Variants in PRKCB observed in about 807,000 individuals in gnomAD.
PRKCB encodes protein kinase C beta type.
PRKCB carries 13 observed loss-of-function variants against 81.5 expected under a neutral mutation model. The ratio of observed to expected loss-of-function variants is 0.16; its 90% CI spans 0.10 to 0.25. The LOEUF (loss-of-function observed/expected upper bound fraction) is 0.25. Among genes scored for constraint, PRKCB ranks in the 10% least tolerant of loss-of-function variants. The pLI, the probability that PRKCB is intolerant of heterozygous loss-of-function variation, is 1.00. For synonymous variants in PRKCB, 335 were observed against 321.4 expected (o/e 1.04, Z -0.45); for missense variants, 509 against 875.7 (o/e 0.58, Z 5.29).
At chr16:24,103,698 T>C (rs754620012) in intron 7 of PRKCB, among the ~76,000 whole-genome samples, 1 of 152,252 alleles carries the variant, frequency 6.6e-6, no homozygotes, top group Non-Finnish European at 1.5e-5. Flanking sequence ...TTTTCAATCC[T>C]TGTCTTCCCC....
intron 2 of PRKCB, among the ~76,000 whole-genome samples, chr16:23,938,848 C>T (rs1964099459): frequency 1.3e-5 from 2 of 152,140 alleles, no homozygotes; most frequent in Admixed American, 1.3e-4. Flanking sequence ...CTGTATGTTC[C>T]TGTTGGTCCT....
intron 3 of PRKCB, among the ~76,000 whole-genome samples, chr16:24,001,014 A>C (rs1215489737): frequency 1.3e-5 from 2 of 151,514 alleles, no homozygotes; most frequent in African/African-American, 4.9e-5. Flanking sequence ...GTAACTATTC[A>C]ATAGGAGACT....
chr16:23,878,575 T>C (rs8063823), intron 2 of PRKCB, among the ~76,000 whole-genome samples: 147,183 of 152,270 alleles, frequency 0.97, 71,166 homozygotes, highest in East Asian at 1. Context: ...AGAGCTGAAG[T>C]CTGAAGGTAG....
intron 4 of PRKCB, among the ~76,000 whole-genome samples, chr16:24,034,738 C>T (rs1965592081): frequency 6.6e-6 from 1 of 152,176 alleles, no homozygotes; most frequent in Admixed American, 6.5e-5. Context: ...CAAGATAATG[C>T]CTCTTCCAGG....
At chr16:24,057,842 T>C (rs942147215) in intron 5 of PRKCB, among the ~76,000 whole-genome samples, 4 of 152,104 alleles carry the variant, frequency 2.6e-5, no homozygotes, top group Non-Finnish European at 4.4e-5. Flanking sequence ...GAATAGAAAC[T>C]TTGACGGTCT....
chr16:23,858,869 A>C (rs1962617114), intron 2 of PRKCB, among the ~76,000 whole-genome samples: 1 of 152,052 alleles, frequency 6.6e-6, no homozygotes, highest in South Asian at 2.1e-4. Context: ...ACAGCACCCT[A>C]GGAGGTTGAT....
chr16:23,876,180 A>G (rs1963011534), intron 2 of PRKCB, among the ~76,000 whole-genome samples: 1 of 152,252 alleles, frequency 6.6e-6, no homozygotes, highest in African/African-American at 2.4e-5. Flanking sequence ...AATGGTGACC[A>G]AGACAGATTC....
intron 2 of PRKCB, among the ~76,000 whole-genome samples, chr16:23,881,572 A>G (rs1323801332): frequency 6.6e-6 from 1 of 152,138 alleles, no homozygotes; most frequent in Non-Finnish European, 1.5e-5. Context: ...TTTTTAAAAA[A>G]ATATTTTATT....
At position 24,017,942 on chromosome 16, in the gene PRKCB, A is replaced by G. The variant is rs1453127663; in HGVS notation, c.289-14194A>G. 3.7e-5 allele frequency among the ~76,000 whole-genome samples: 5 copies of G among 136,842 alleles called. No homozygotes were observed. The East Asian group carries it at 1.0e-3, about 29-fold the overall frequency. The allele number at this position is 136,842 out of a possible 152,430, so 89.8% of individuals were successfully genotyped here. ...TAGACAGAGTCTCGCTCTGTGGCCC[A>G]GGCTGGAGTGCAGCGGTGCAATCTC... On this transcript the variant is annotated intron_variant, in intron 3 of 16. Transcript: ENST00000643927.
chr16:23,980,224 C>T (rs1964677144), intron 2 of PRKCB, among the ~76,000 whole-genome samples: 1 of 152,230 alleles, frequency 6.6e-6, no homozygotes, highest in Non-Finnish European at 1.5e-5. Flanking sequence ...GTGAGACCAG[C>T]CATTGGGCAG....
intron 7 of PRKCB, among the ~76,000 whole-genome samples, chr16:24,111,884 C>T (rs998679823): frequency 6.6e-6 from 1 of 152,244 alleles, no homozygotes; most frequent in Middle Eastern, 3.4e-3. Context: ...AAGTGCTGTG[C>T]TTATCATTTT....
intron 2 of PRKCB, among the ~76,000 whole-genome samples, chr16:23,946,335 A>C (rs745443283): frequency 1.3e-5 from 2 of 152,178 alleles, no homozygotes; most frequent in African/African-American, 2.4e-5. Flanking sequence ...AGTAGTTTTG[A>C]GTCACCAGGT....
intron 3 of PRKCB, among the ~76,000 whole-genome samples, chr16:24,005,549 C>T (rs1359135049): frequency 6.6e-6 from 1 of 152,188 alleles, no homozygotes; most frequent in African/African-American, 2.4e-5. Flanking sequence ...ACAGTTCCTT[C>T]CAAATGTGGT....
intron 5 of PRKCB, among the ~76,000 whole-genome samples, chr16:24,068,163 A>T (rs1174511613): frequency 6.6e-6 from 1 of 152,078 alleles, no homozygotes; most frequent in Non-Finnish European, 1.5e-5. Flanking sequence ...TGGGTCCTGA[A>T]CCCCAATTTT....
chr16:24,021,071 C>CTTT (rs1362788336), intron 3 of PRKCB, among the ~76,000 whole-genome samples: 36 of 67,218 alleles, frequency 5.4e-4, no homozygotes, highest in East Asian at 4.9e-3. Context: ...TCCCTCCCTC[C>CTTT]CTTCTTTCTT....
In PRKCB at chr16:24,210,801, T is replaced by C. The variant is rs1209572553; in HGVS notation, c.1864-3857T>C. Among the ~76,000 whole-genome samples the C allele has an allele frequency of 4.6e-5, 7 of 152,276 alleles. No individual in the cohort carries two copies. In the East Asian group the frequency reaches 1.2e-3, roughly 25 times the overall value. On this transcript the variant is annotated intron_variant, in intron 16 of 16. Coordinates refer to ENST00000643927, the MANE Select transcript of PRKCB (RefSeq NM_002738.7). The stretch of plus-strand genomic sequence containing the variant: ...AGGCGTGAGCTACCCTGCCCGGCCT[T>C]GGCTTTATTTTTCTTCACATCACTT...
chr16:24,159,653 C>G (rs1967223458), intron 10 of PRKCB, among the ~76,000 whole-genome samples: 1 of 152,186 alleles, frequency 6.6e-6, no homozygotes, highest in South Asian at 2.1e-4. Flanking sequence ...CCTTTGCTAA[C>G]CTACCTGTGC....
chr16:24,007,734 T>A lies in PRKCB; in HGVS notation c.288+19144T>A, dbSNP rs867072393. Among the ~76,000 whole-genome samples the A allele has an allele frequency of 2.4e-4, 36 of 152,166 alleles. 1 individual carries two copies. The highest frequency in any genetic ancestry group is 3.8e-4 in the Non-Finnish European group (26 of 68,020). ...TATAAATTATTGTGGCTTCTCCTAG[T>A]TGGGAGGCAGGACCAGCCTCACAAT... On this transcript the variant is annotated intron_variant, in intron 3 of 16. Coordinates refer to ENST00000643927, the MANE Select transcript of PRKCB (RefSeq NM_002738.7).
chr16:24,206,309 C>T (rs1051194146), intron 16 of PRKCB, among the ~76,000 whole-genome samples: 5 of 152,276 alleles, frequency 3.3e-5, no homozygotes, highest in South Asian at 2.1e-4. Flanking sequence ...GGCATAGGAA[C>T]GACCCTGCAT....
Sources: gnomAD v4.1 joint callset for allele counts (sites outside exome capture counted in the v4.1 genomes callset) on GRCh38, gnomAD v4.1.1 for gene constraint, MANE v1.5 for transcripts, NCBI Gene and HGNC (gene_info 2026-07-23, HGNC 2026-07-21) for gene names.